Variants in UBASH3B observed in about 807,000 individuals in gnomAD.
UBASH3B encodes ubiquitin associated and SH3 domain containing B, also known as ubiquitin-associated and SH3 domain-containing protein B.
A neutral mutation model predicts 83.4 loss-of-function variants in UBASH3B; 37 were observed. The observed-to-expected ratio is 0.44, with a 90% CI of 0.34 to 0.58. UBASH3B has a LOEUF of 0.58. Among genes scored for constraint, UBASH3B ranks in the 20% least tolerant of loss-of-function variants. The pLI is 0.01. For synonymous variants in UBASH3B, 304 were observed against 318.3 expected (o/e 0.96, Z 0.48); for missense variants, 657 against 827.2 (o/e 0.79, Z 2.52).
At chr11:122,808,704 G>A (rs1053297601) in intron 13 of UBASH3B, among the ~76,000 whole-genome samples, 1 of 152,176 alleles carries the variant, frequency 6.6e-6, no homozygotes, top group African/African-American at 2.4e-5. Context: ...CTGGTCAGCT[G>A]CCTCCCACAC....
At chr11:122,724,453 G>A (rs4936732) in intron 1 of UBASH3B, among the ~76,000 whole-genome samples, 61,227 of 152,050 alleles carry the variant, frequency 0.4, 14,229 homozygotes, top group Middle Eastern at 0.54. Flanking sequence ...CCACCTTGCA[G>A]GAGTTCACAG....
At position 122,755,317 on chromosome 11, in the gene UBASH3B, C is replaced by A. The variant is rs538136202; in HGVS notation, c.162-20902C>A. ...GTCTCGGTTTCCCACCTCGCCCATG[C>A]AGAAGGCTCCGGTAACCCACATAGC... On this transcript the variant is annotated intron_variant, in intron 1 of 13. Coordinates refer to ENST00000284273, the MANE Select transcript of UBASH3B (RefSeq NM_032873.5). Among the ~76,000 whole-genome samples the A allele has an allele frequency of 2.0e-5, 3 of 152,286 alleles. No individual in the cohort carries two copies. In the East Asian group the frequency reaches 5.8e-4, roughly 29 times the overall value.
chr11:122,807,251 A>T (rs1234639741), intron 12 of UBASH3B, among the ~76,000 whole-genome samples: 1 of 152,206 alleles, frequency 6.6e-6, no homozygotes, highest in Non-Finnish European at 1.5e-5. Context: ...TGTTAGAAGG[A>T]GTTGCACAGA....
rs1014462949 is a variant in UBASH3B at position 122,810,137 on chromosome 11, G to C, written c.*251G>C. Reference sequence around the variant, plus strand: ...TTTGGAGAATTGTCTTCCTAAATCGGGGCACCTGCTACAGAAGAGAATGTT... The same window carrying C: ...TTTGGAGAATTGTCTTCCTAAATCGCGGCACCTGCTACAGAAGAGAATGTT... On this transcript the variant is annotated 3_prime_UTR_variant, in exon 14 of 14. Transcript: ENST00000284273. The C allele has an allele frequency of 4.7e-6, 2 of 422,366 alleles. No homozygotes were observed. Among genetic ancestry groups the C allele is most frequent in the Non-Finnish European group, 8.5e-6 (2 of 236,072 alleles). The allele number at this position is 422,366 out of a possible 1,614,324, so 26.2% of individuals were successfully genotyped here.
chr11:122,703,896 T>A (rs966693060), intron 1 of UBASH3B, among the ~76,000 whole-genome samples: 2 of 152,164 alleles, frequency 1.3e-5, no homozygotes, highest in African/African-American at 4.8e-5. Context: ...GGACCTGGAA[T>A]TCTTCAAATG....
chr11:122,734,219 T>G (rs976763034), intron 1 of UBASH3B, among the ~76,000 whole-genome samples: 1 of 152,182 alleles, frequency 6.6e-6, no homozygotes, highest in Admixed American at 6.5e-5. Flanking sequence ...AGATTTGTAC[T>G]TCAAAAGCTT....
At chr11:122,800,304 C>T (rs1861229878) in intron 10 of UBASH3B, among the ~76,000 whole-genome samples, 1 of 150,988 alleles carries the variant, frequency 6.6e-6, no homozygotes, top group African/African-American at 2.4e-5. Flanking sequence ...CTTTGGGAGG[C>T]CGAGGCGGGC....
rs554428652 is a variant in UBASH3B, at chr11:122,708,190, C to G, written c.161+51980C>G. On this transcript the variant is annotated intron_variant, in intron 1 of 13. Coordinates refer to ENST00000284273, the MANE Select transcript of UBASH3B (RefSeq NM_032873.5). ...AAGAGCAGGTTCTCACCACCATCTT[C>G]AACATGCTAGAGAAGAGAGGCTAGG... Among the ~76,000 whole-genome samples, 3 of 151,940 alleles carry G rather than the reference C, an allele frequency of 2.0e-5. No homozygotes were observed. The South Asian group carries it at 6.2e-4, about 32-fold the overall frequency.
chr11:122,664,446 C>T (rs1186237493), intron 1 of UBASH3B, among the ~76,000 whole-genome samples: 1 of 120,720 alleles, frequency 8.3e-6, no homozygotes, highest in Non-Finnish European at 1.9e-5. Flanking sequence ...CTATGATCCT[C>T]ATTGAACTGA....
intron 1 of UBASH3B, among the ~76,000 whole-genome samples, chr11:122,656,504 G>C (rs7129204): frequency 0.15 from 22,128 of 152,166 alleles, 1,766 homozygotes; most frequent in African/African-American, 0.2. Context: ...CTCCGCCCCA[G>C]CCGGGTGGAG....
In UBASH3B at chr11:122,789,206, A is replaced by G; in HGVS notation, c.878A>G (p.Glu293Gly). 6.2e-7 allele frequency: 1 copy of G among 1,614,168 alleles called. No individual in the cohort carries two copies. The highest frequency in any genetic ancestry group is 8.5e-7 in the Non-Finnish European group (1 of 1,180,038). Residue 293 changes from glutamate to glycine, a missense_variant, in exon 6 of 14, where the codon GAG becomes GGG. Around this residue, in one of 3 missense-constraint regions of UBASH3B, gnomAD observed 573 missense variants for 739.0 expected, o/e 0.78. Transcript: ENST00000284273. ...MSPMEQTSTS[E>G]GWIYGTSLTT... ...CCAATGGAGCAGACCAGCACCAGCG[A>G]GGGTTGGATCTATGGCACGTCCTTA...
intron 1 of UBASH3B, among the ~76,000 whole-genome samples, chr11:122,739,356 C>A (rs1860988015): frequency 6.6e-6 from 1 of 152,160 alleles, no homozygotes; most frequent in African/African-American, 2.4e-5. Flanking sequence ...GCAAAAAAAT[C>A]ACTTGTAAGC....
chr11:122,803,562 C>T (rs1861290713), intron 11 of UBASH3B, among the ~76,000 whole-genome samples: 1 of 152,092 alleles, frequency 6.6e-6, no homozygotes, highest in African/African-American at 2.4e-5. Flanking sequence ...TTGAAAACAA[C>T]CCCAGCCTTG....
chr11:122,789,355 G>A, intron 6 of UBASH3B, 47 bp downstream of exon 6: 1 of 1,599,002 alleles, frequency 6.3e-7, no homozygotes, highest in Non-Finnish European at 8.6e-7. Context: ...ATGTTGCTAA[G>A]GCAGACTGGA....
intron 1 of UBASH3B, among the ~76,000 whole-genome samples, chr11:122,764,312 A>T (rs1438934969): frequency 1.3e-5 from 2 of 152,184 alleles, no homozygotes; most frequent in Non-Finnish European, 1.5e-5. Context: ...GTTTCTGAGG[A>T]CCTCAAAACA....
intron 1 of UBASH3B, among the ~76,000 whole-genome samples, chr11:122,659,978 T>C (rs1438695131): frequency 6.6e-6 from 1 of 152,172 alleles, no homozygotes; most frequent in Non-Finnish European, 1.5e-5. Context: ...TGGGCTGCAC[T>C]GTGCTGTGGT....
rs1051701532 is a variant in UBASH3B, at chr11:122,758,476, C to A, written c.162-17743C>A. Among the ~76,000 whole-genome samples, 1 of 152,202 alleles carries A rather than the reference C, an allele frequency of 6.6e-6. No individual in the cohort carries two copies. Among genetic ancestry groups the A allele is most frequent in the Admixed American group, 6.5e-5 (1 of 15,286 alleles). ...CCAGGAGCTTCCCAGACAGGCCTAGCCTGCTTAGAGTCGGGACAGCTGGAA... is the reference window on the plus strand; with the variant it reads ...CCAGGAGCTTCCCAGACAGGCCTAGACTGCTTAGAGTCGGGACAGCTGGAA... On this transcript the variant is annotated intron_variant, in intron 1 of 13. Transcript: ENST00000284273. This position sits in a 1 kb window ranked among gnomAD's most constrained non-coding sequence, Gnocchi z 4.2.
At chr11:122,740,608 G>T (rs1201044620) in intron 1 of UBASH3B, among the ~76,000 whole-genome samples, 1 of 152,076 alleles carries the variant, frequency 6.6e-6, no homozygotes, top group Admixed American at 6.6e-5. Flanking sequence ...TGGATAACTT[G>T]CCCATAACAG....
intron 10 of UBASH3B, among the ~76,000 whole-genome samples, chr11:122,800,384 A>C (rs1223264980): frequency 1.8e-5 from 1 of 55,734 alleles, no homozygotes; most frequent in Non-Finnish European, 3.2e-5. Flanking sequence ...CTAAAAATAC[A>C]AAAAAAAAAA....
Sources: gnomAD v4.1 joint callset for allele counts (sites outside exome capture counted in the v4.1 genomes callset) on GRCh38, gnomAD v4.1.1 for gene constraint, gnomAD v4.1.1 regional missense constraint, Gnocchi (gnomAD v3.1) non-coding constraint, MANE v1.5 for transcripts, NCBI Gene and HGNC (gene_info 2026-07-23, HGNC 2026-07-21) for gene names.